The following PLXNA4 variants were observed in gnomAD, a reference collection of about 807,000 sequenced individuals.
PLXNA4 encodes plexin A4, also known as plexin-A4.
A neutral mutation model predicts 191.8 loss-of-function variants in PLXNA4; 44 were observed. The observed-to-expected ratio is 0.23, with a 90% CI of 0.18 to 0.29. The LOEUF (loss-of-function observed/expected upper bound fraction) is 0.29, where lower values mean the gene tolerates loss of function less well. Ranked by LOEUF, PLXNA4 falls within the 10% of genes least tolerant of loss-of-function variation. PLXNA4 has a pLI of 1.00. For synonymous variants in PLXNA4, 1,082 were observed against 1,009.5 expected (o/e 1.07, Z -1.36); for missense variants, 1,800 against 2,488.8 (o/e 0.72, Z 5.89).
At chr7:132,205,427 G>T (rs1230075748) in intron 10 of PLXNA4, among the ~76,000 whole-genome samples, 2 of 152,192 alleles carry the variant, frequency 1.3e-5, no homozygotes, top group African/African-American at 4.8e-5. Flanking sequence ...TTAGAAGTAG[G>T]GAGGCAGATG....
At chr7:132,203,468 G>T in intron 10 of PLXNA4, 49 bp from the exon 11 acceptor site, 1 of 1,520,472 alleles carries the variant, frequency 6.6e-7, no homozygotes, top group Non-Finnish European at 9.1e-7. Context: ...GTCACAGAGA[G>T]TTCTAGAGAG....
Position 132,508,358 on chromosome 7 carries a change from G to T in PLXNA4, c.336C>A (p.Asn112Lys), listed in dbSNP as rs1399516403. The T allele has an allele frequency of 1.2e-6, 2 of 1,614,086 alleles. No individual in the cohort carries two copies. Among genetic ancestry groups the T allele is most frequent in the Non-Finnish European group, 1.7e-6 (2 of 1,180,052 alleles). Residue 112 changes from asparagine (N) to lysine (K), a missense_variant, in exon 2 of 32, where the codon AAC becomes AAA. By Grantham distance (94) the Asn-to-Lys change is moderately conservative. This residue lies in a region of PLXNA4 where 1,397 missense variants were observed against 1,880.4 expected (regional missense o/e 0.74). Transcript: ENST00000321063. This position sits in a 1 kb window ranked among gnomAD's most constrained non-coding sequence, Gnocchi z 4.4. ...QTCNEPLTTT[N>K]NVNKMLLIDY... The stretch of plus-strand genomic sequence containing the variant: ...CTATGAGGAGCATCTTGTTGACATT[G>T]TTGGTGGTGGTCAGGGGCTCATTGC...
upstream of PLXNA4, among the ~76,000 whole-genome samples, chr7:132,581,895 C>A (rs981893141): frequency 6.6e-6 from 1 of 152,160 alleles, no homozygotes; most frequent in Non-Finnish European, 1.5e-5. Flanking sequence ...AACAAACAAA[C>A]AAACAAACAA....
At chr7:132,263,023 C>T (rs1016641793) in intron 4 of PLXNA4, among the ~76,000 whole-genome samples, 1 of 152,134 alleles carries the variant, frequency 6.6e-6, no homozygotes, top group African/African-American at 2.4e-5. Context: ...TGGCATGTGA[C>T]CCCTCGTAAG....
At chr7:132,359,392 T>A (rs547108641) in intron 3 of PLXNA4, among the ~76,000 whole-genome samples, 1 of 151,936 alleles carries the variant, frequency 6.6e-6, no homozygotes, top group Non-Finnish European at 1.5e-5. Context: ...GATTTTTGTA[T>A]TTTTAGTAGA....
intron 18 of PLXNA4, 127 bp from the exon 19 acceptor site, chr7:132,180,859 A>G: frequency 2.1e-6 from 3 of 1,431,346 alleles, no homozygotes; most frequent in Non-Finnish European, 2.8e-6. Context: ...ACCTTTGGTA[A>G]TAAGTGCAAA....
chr7:132,152,477 C>T (rs1056927083), intron 25 of PLXNA4, among the ~76,000 whole-genome samples: 1 of 152,182 alleles, frequency 6.6e-6, no homozygotes, highest in South Asian at 2.1e-4. Flanking sequence ...GTTTTAATAA[C>T]AGTAATGAAA....
chr7:132,311,215 G>C (rs1002382409), intron 3 of PLXNA4, among the ~76,000 whole-genome samples: 1 of 140,162 alleles, frequency 7.1e-6, no homozygotes, highest in Non-Finnish European at 1.5e-5. Context: ...CTAAAGGAGG[G>C]TCAGAAGGAA....
intron 3 of PLXNA4, among the ~76,000 whole-genome samples, chr7:132,427,915 A>G (rs1795112014): frequency 6.6e-6 from 1 of 152,238 alleles, no homozygotes; most frequent in African/African-American, 2.4e-5. Flanking sequence ...TGGTGCGGAC[A>G]TGCAGGGAGA....
At chr7:132,532,537 C>T (rs1799660761) in intron 1 of PLXNA4, among the ~76,000 whole-genome samples, 1 of 152,066 alleles carries the variant, frequency 6.6e-6, no homozygotes. Context: ...GACATCATAC[C>T]ATCCTTTATG....
intron 5 of PLXNA4, 133 bp from the exon 6 acceptor site, chr7:132,228,602 G>C: frequency 8.5e-6 from 10 of 1,178,970 alleles, no homozygotes; most frequent in East Asian, 2.6e-5. Flanking sequence ...TAACCTTTTT[G>C]TGTCCTTCCT....
intron 2 of PLXNA4, among the ~76,000 whole-genome samples, chr7:132,641,007 G>A (rs973467531): frequency 2.6e-5 from 4 of 152,170 alleles, no homozygotes; most frequent in Non-Finnish European, 4.4e-5. Flanking sequence ...ATGGCACCAC[G>A]GATGGATGAT....
chr7:132,159,659 A>C, intron 24 of PLXNA4, 27 bp from the exon 25 acceptor site: 1 of 1,612,676 alleles, frequency 6.2e-7, no homozygotes, highest in Middle Eastern at 1.7e-4. Context: ...GAGAGGAAGC[A>C]TATGAAATGG....
chr7:132,588,672 AAGGGAAGGGAGGAG>A (rs1215039494), intron 2 of PLXNA4, among the ~76,000 whole-genome samples: 3 of 115,120 alleles, frequency 2.6e-5, no homozygotes, highest in Admixed American at 1.8e-4. Flanking sequence ...AAGGGAAGGG[AAGGGAAGGGAGGAG>A]GGAGGGAGGG....
Position 132,241,179 on chromosome 7 carries a change from G to C in PLXNA4, c.1504-13C>G, listed in dbSNP as rs757391321. 8 of 1,601,668 alleles carry C rather than the reference G, an allele frequency of 5.0e-6. No individual in the cohort carries two copies. Among genetic ancestry groups the C allele is most frequent in the Non-Finnish European group, 6.8e-6 (8 of 1,170,696 alleles). On this transcript the variant is annotated splice_polypyrimidine_tract_variant and intron_variant, in intron 4 of 31. Coordinates refer to ENST00000321063, the MANE Select transcript of PLXNA4 (RefSeq NM_020911.2). Reference sequence around the variant, plus strand: ...GGACTCTGGTGAGCTAGGACAGCAGGATAGGGAGAAGGTGGTCAAGATTTT... The same window carrying C: ...GGACTCTGGTGAGCTAGGACAGCAGCATAGGGAGAAGGTGGTCAAGATTTT...
chr7:132,636,399 C>T (rs756878331), intron 2 of PLXNA4, among the ~76,000 whole-genome samples: 2 of 152,172 alleles, frequency 1.3e-5, no homozygotes, highest in Non-Finnish European at 2.9e-5. Context: ...CCCCTGTAGT[C>T]TGATGTTTCA....
chr7:132,487,476 T>A (rs868317807), intron 3 of PLXNA4, among the ~76,000 whole-genome samples: 2 of 152,334 alleles, frequency 1.3e-5, no homozygotes, highest in Middle Eastern at 6.8e-3. Flanking sequence ...TAGAATTCAC[T>A]TTTCCAGCAG....
chr7:132,442,264 G>A (rs900468362), intron 3 of PLXNA4, among the ~76,000 whole-genome samples: 2 of 152,160 alleles, frequency 1.3e-5, no homozygotes, highest in Non-Finnish European at 2.9e-5. Flanking sequence ...TCTTGTGTCA[G>A]GGCCACAGAG....
intron 25 of PLXNA4, among the ~76,000 whole-genome samples, chr7:132,156,411 A>G (rs60255521): frequency 0.037 from 5,654 of 152,204 alleles, 125 homozygotes; most frequent in African/African-American, 0.06. Context: ...CCAAAAGCCA[A>G]GCAAGAGCCG....
Sources: allele counts gnomAD v4.1 joint callset (sites outside exome capture counted in the v4.1 genomes callset), GRCh38; gene constraint gnomAD v4.1.1; regional missense constraint gnomAD v4.1.1; non-coding constraint Gnocchi (gnomAD v3.1); transcripts MANE v1.5; gene names NCBI Gene and HGNC (gene_info 2026-07-23, HGNC 2026-07-21).